Variants in PPP1R12B observed in about 807,000 individuals in gnomAD.
The protein encoded by PPP1R12B is myosin phosphatase target subunit 2.
In PPP1R12B, 76 loss-of-function variants were observed where a neutral mutation model predicts 126.1. That is an observed-to-expected ratio of 0.60 (90% confidence interval 0.50 to 0.73). The LOEUF is 0.73. PPP1R12B is among the 30% of genes least tolerant of loss of function. PPP1R12B has a pLI of 0.00. For missense variants in PPP1R12B, 1,052 were observed against 1,205.1 expected (o/e 0.87, Z 1.88); for synonymous variants, 356 against 434.7 (o/e 0.82, Z 2.25).
At chr1:202,569,289 T>A (rs1474392500) in intron 23 of PPP1R12B, 92 bp downstream of exon 23, 8 of 1,283,592 alleles carry the variant, frequency 6.2e-6, no homozygotes, top group African/African-American at 3.0e-5. Context: ...CCTCCAGATT[T>A]CACTACAAAC....
intron 13 of PPP1R12B, among the ~76,000 whole-genome samples, chr1:202,450,093 G>T (rs889033994): frequency 6.6e-6 from 1 of 152,192 alleles, no homozygotes; most frequent in Non-Finnish European, 1.5e-5. Flanking sequence ...GCACAGAGAA[G>T]GATCTTTTGT....
intron 18 of PPP1R12B, among the ~76,000 whole-genome samples, chr1:202,500,167 C>G (rs775559416): frequency 3.3e-5 from 5 of 152,092 alleles, no homozygotes; most frequent in Admixed American, 6.5e-5. Context: ...AGATGACGCT[C>G]CCTGGTGGTC....
intron 1 of PPP1R12B, among the ~76,000 whole-genome samples, chr1:202,413,918 G>A (rs1006163368): frequency 1.3e-5 from 2 of 152,068 alleles, no homozygotes; most frequent in Non-Finnish European, 2.9e-5. Flanking sequence ...ACTCCAACAA[G>A]TGATGGTTCG....
intron 14 of PPP1R12B, among the ~76,000 whole-genome samples, chr1:202,492,108 A>G (rs1358958013): frequency 6.6e-6 from 1 of 151,950 alleles, no homozygotes; most frequent in East Asian, 1.9e-4. Flanking sequence ...CCCCTACCCA[A>G]GTTCTTTTTA....
At chr1:202,577,042 G>C (rs569110203) in intron 23 of PPP1R12B, 1 of 152,296 alleles carries the variant, frequency 6.6e-6, no homozygotes, top group East Asian at 1.9e-4. Flanking sequence ...ACTACACTGT[G>C]CCCCCAGCAT....
At chr1:202,422,084 C>G (rs1196506674) in intron 2 of PPP1R12B, among the ~76,000 whole-genome samples, 1 of 152,166 alleles carries the variant, frequency 6.6e-6, no homozygotes, top group Non-Finnish European at 1.5e-5. Flanking sequence ...ATCAAGTATT[C>G]TATTTGGATT....
intron 1 of PPP1R12B, among the ~76,000 whole-genome samples, chr1:202,410,536 C>T (rs553432444): frequency 6.6e-6 from 1 of 152,332 alleles, no homozygotes; most frequent in Admixed American, 6.5e-5. Context: ...ATTTTGGGAA[C>T]CGAGGAGGCT....
Position 202,590,295 on chromosome 1 carries a change from C to T in PPP1R12B, c.*9735C>T, listed in dbSNP as rs1274373697. 1 of 151,908 alleles carries T rather than the reference C, an allele frequency of 6.6e-6. No homozygotes were observed. Among genetic ancestry groups the T allele is most frequent in the African/African-American group, 2.4e-5 (1 of 41,282 alleles). 9.4% of individuals were successfully genotyped at this position (151,908 alleles called of 1,614,324 possible). On this transcript the variant is annotated 3_prime_UTR_variant, in exon 24 of 24. Coordinates refer to ENST00000608999, the MANE Select transcript of PPP1R12B (RefSeq NM_002481.4). ...CACCACCCCGCCCCGCCCAGCCTCC[C>T]AGACAATGTTCCCCGGCACCACCAC...
chr1:202,441,330 A>G (rs1467675168), intron 11 of PPP1R12B, among the ~76,000 whole-genome samples: 2 of 152,154 alleles, frequency 1.3e-5, no homozygotes, highest in Non-Finnish European at 2.9e-5. Flanking sequence ...TTTATTAAAA[A>G]TAATTTTCTT....
chr1:202,556,226 G>C (rs1202880615), intron 18 of PPP1R12B, among the ~76,000 whole-genome samples: 1 of 152,186 alleles, frequency 6.6e-6, no homozygotes, highest in Admixed American at 6.5e-5. Flanking sequence ...AATGGTGGCA[G>C]GGAAGCTGAC....
intron 12 of PPP1R12B, among the ~76,000 whole-genome samples, chr1:202,444,460 C>T (rs1671997872): frequency 6.6e-6 from 1 of 152,192 alleles, no homozygotes. Context: ...ACTAAATCCT[C>T]CCAGAGACAA....
intron 13 of PPP1R12B, among the ~76,000 whole-genome samples, chr1:202,478,092 G>T (rs1392082691): frequency 6.6e-6 from 1 of 152,228 alleles, no homozygotes; most frequent in Non-Finnish European, 1.5e-5. Context: ...TTCATGGATG[G>T]CTGCAATGCT....
At chr1:202,424,763 C>G (rs1334090023) in intron 3 of PPP1R12B, among the ~76,000 whole-genome samples, 1 of 152,144 alleles carries the variant, frequency 6.6e-6, no homozygotes, top group Non-Finnish European at 1.5e-5. Flanking sequence ...AACCCCTTTT[C>G]ACTGGCACAG....
chr1:202,452,365 C>G (rs565416021), intron 13 of PPP1R12B, among the ~76,000 whole-genome samples: 1 of 152,204 alleles, frequency 6.6e-6, no homozygotes, highest in Non-Finnish European at 1.5e-5. Flanking sequence ...CTGGCCAACA[C>G]AGCGAAACCC....
intron 18 of PPP1R12B, among the ~76,000 whole-genome samples, chr1:202,520,814 A>G (rs1682699618): frequency 6.6e-6 from 1 of 152,222 alleles, no homozygotes; most frequent in Non-Finnish European, 1.5e-5. Flanking sequence ...AATATTTTTA[A>G]AGGTTTTAAA....
rs1558314364 is a variant in PPP1R12B, at chr1:202,508,660, C to T, written c.2490+11838C>T. 6.6e-6 allele frequency among the ~76,000 whole-genome samples: 1 copy of T among 152,154 alleles called. No individual in the cohort carries two copies. The highest frequency in any genetic ancestry group is 2.1e-4 in the South Asian group (1 of 4,822). ...TTTCAAAAGTGATATGCCAAATGGG[C>T]GAAACATGGGGCTGTTTATGGTGAC... On this transcript the variant is annotated intron_variant, in intron 18 of 23. Coordinates refer to ENST00000608999, the MANE Select transcript of PPP1R12B (RefSeq NM_002481.4). This position sits in a 1 kb window ranked among gnomAD's most constrained non-coding sequence, Gnocchi z 4.5.
chr1:202,563,047 A>T, intron 20 of PPP1R12B, 125 bp downstream of exon 20: 1 of 1,112,304 alleles, frequency 9.0e-7, no homozygotes, highest in Non-Finnish European at 1.2e-6. Flanking sequence ...AAGTAATAAT[A>T]ATTCCTTGCA....
At chr1:202,446,705 C>G (rs1022097012) in intron 12 of PPP1R12B, among the ~76,000 whole-genome samples, 13 of 151,322 alleles carry the variant, frequency 8.6e-5, no homozygotes, top group African/African-American at 3.2e-4. Flanking sequence ...ATTTGGTTGG[C>G]TATTATACTG....
chr1:202,526,977 A>C (rs1215608820), intron 18 of PPP1R12B, among the ~76,000 whole-genome samples: 1 of 152,166 alleles, frequency 6.6e-6, no homozygotes, highest in African/African-American at 2.4e-5. Context: ...TTTAAGGTTA[A>C]AAAATTAGAA....
Sources: gnomAD v4.1 joint callset for allele counts (sites outside exome capture counted in the v4.1 genomes callset) on GRCh38, gnomAD v4.1.1 for gene constraint, Gnocchi (gnomAD v3.1) non-coding constraint, MANE v1.5 for transcripts, NCBI Gene and HGNC (gene_info 2026-07-23, HGNC 2026-07-21) for gene names.